GFRA1: variants seen among roughly 807,000 people sequenced by gnomAD.
GFRA1 encodes GDNF family receptor alpha 1.
A neutral mutation model predicts 51.6 loss-of-function variants in GFRA1; 16 were observed. The ratio of observed to expected loss-of-function variants is 0.31; its 90% confidence interval spans 0.21 to 0.47. The LOEUF is 0.47. GFRA1 is among the 20% of genes least tolerant of loss of function. The pLI, the probability that GFRA1 is intolerant of heterozygous loss-of-function variation, is 1.00. For synonymous variants in GFRA1, 270 were observed against 241.3 expected (o/e 1.12, Z -1.10); for missense variants, 530 against 594.3 (o/e 0.89, Z 1.13).
chr10:116,131,465 CCAGCATATTGATAATAAT>C (rs1958099340), intron 5 of GFRA1, among the ~76,000 whole-genome samples: 1 of 152,128 alleles, frequency 6.6e-6, no homozygotes, highest in Admixed American at 6.5e-5. Flanking sequence ...GAATATTATA[CCAGCATATTGATAATAAT>C]CAAAACTGGA....
intron 5 of GFRA1, among the ~76,000 whole-genome samples, chr10:116,142,136 A>G (rs1958598673): frequency 1.3e-5 from 2 of 152,120 alleles, no homozygotes; most frequent in African/African-American, 4.8e-5. Flanking sequence ...GTGCAGGATT[A>G]TTCATTGTGG....
intron 5 of GFRA1, among the ~76,000 whole-genome samples, chr10:116,153,304 A>G (rs1959130936): frequency 1.3e-5 from 2 of 152,206 alleles, no homozygotes; most frequent in Non-Finnish European, 2.9e-5. Context: ...CAGGGTTACC[A>G]TTTCACCATC....
At chr10:116,169,001 C>T (rs1960767290) in intron 5 of GFRA1, among the ~76,000 whole-genome samples, 1 of 152,196 alleles carries the variant, frequency 6.6e-6, no homozygotes, top group Non-Finnish European at 1.5e-5. Context: ...ATTAAGTATA[C>T]CTTGCCCCTG....
At chr10:116,079,586 G>A (rs867708792) in intron 9 of GFRA1, among the ~76,000 whole-genome samples, 26 of 152,076 alleles carry the variant, frequency 1.7e-4, no homozygotes, top group African/African-American at 5.8e-4. Flanking sequence ...GTGCTGAAAG[G>A]ACATTTTTGG....
At chr10:116,151,949 C>T (rs1173526974) in intron 5 of GFRA1, among the ~76,000 whole-genome samples, 1 of 152,104 alleles carries the variant, frequency 6.6e-6, no homozygotes, top group African/African-American at 2.4e-5. Context: ...GAAGAGCTCC[C>T]TGAGAGGTGA....
chr10:116,196,656 ATAGTACT>A lies in GFRA1; in HGVS notation c.433+14968_433+14974del, dbSNP rs1565643693. Among the ~76,000 whole-genome samples the A allele has an allele frequency of 2.1e-4, 14 of 66,524 alleles. 1 individual carries two copies. The highest frequency in any genetic ancestry group is 8.5e-4 in the African/African-American group (14 of 16,434). 43.6% of individuals were successfully genotyped at this position (66,524 alleles called of 152,430 possible). A position where few individuals can be genotyped will look rare whatever the true frequency, so the allele number is the denominator to read the frequency against. On this transcript the variant is annotated intron_variant, in intron 5 of 10. Coordinates refer to ENST00000355422, the MANE Select transcript of GFRA1 (RefSeq NM_005264.8). The stretch of plus-strand genomic sequence containing the variant: ...ATATAGTACTATATATAATATATAT[ATAGTACT>A]ATATATAATATATATAATATATAGT...
Position 116,058,041 on chromosome 10 carries a change from T to TGTGTGTGAGAGA in GFRA1, c.*6356_*6357insTCTCTCACACAC, listed in dbSNP as rs557175351. On this transcript the variant is annotated 3_prime_UTR_variant, in exon 11 of 11. Coordinates refer to ENST00000355422, the MANE Select transcript of GFRA1 (RefSeq NM_005264.8). Reference sequence around the variant, plus strand: ...GTGTGTGTGTGTGTGTGTGTGTGTGTGACAGAGAGAACCACGCTTTATTGG... The same window carrying TGTGTGTGAGAGA: ...GTGTGTGTGTGTGTGTGTGTGTGTGTGTGTGTGAGAGAGACAGAGAGAACCACGCTTTATTGG... 1 of 108,442 alleles carries TGTGTGTGAGAGA rather than the reference T, an allele frequency of 9.2e-6. No homozygotes were observed. The highest frequency in any genetic ancestry group is 3.8e-5 in the African/African-American group (1 of 26,586). The allele number at this position is 108,442 out of a possible 1,614,324, so 6.7% of individuals were successfully genotyped here.
At chr10:116,106,633 C>T (rs76691823) in intron 6 of GFRA1, among the ~76,000 whole-genome samples, 94 of 151,366 alleles carry the variant, frequency 6.2e-4, no homozygotes, top group African/African-American at 2.2e-3. Context: ...CACCTCCCTC[C>T]ACTTTCTCTT....
At chr10:116,214,749 T>C (rs1275411077) in intron 4 of GFRA1, among the ~76,000 whole-genome samples, 1 of 152,218 alleles carries the variant, frequency 6.6e-6, no homozygotes, top group East Asian at 1.9e-4. Flanking sequence ...CTCTGCGTGG[T>C]TTTGACAAGG....
intron 5 of GFRA1, among the ~76,000 whole-genome samples, chr10:116,183,430 T>G (rs2134283523): frequency 6.6e-6 from 1 of 152,274 alleles, no homozygotes. Flanking sequence ...ATGGGGAATC[T>G]CAGGCTCACA....
chr10:116,270,881 C>A lies in GFRA1; in HGVS notation c.275G>T (p.Gly92Val). Reference protein sequence around the residue: ...KSLYNCRCKRGMKKEKNCLRI... With the variant: ...KSLYNCRCKRVMKKEKNCLRI... Reference sequence around the variant, plus strand: ...CAGGCAGTTCTTCTCCTTCTTCATACCCCGCTTGCAGCGGCAGTTGTAGAG... The same window carrying A: ...CAGGCAGTTCTTCTCCTTCTTCATAACCCGCTTGCAGCGGCAGTTGTAGAG... The change falls in exon 3 of 11, where the codon GGT (glycine) becomes GTT (valine). Residue 92 changes from glycine to valine, a missense_variant. Transcript: ENST00000355422. 6.2e-7 allele frequency: 1 copy of A among 1,614,072 alleles called. No homozygotes were observed. Among genetic ancestry groups the A allele is most frequent in the Non-Finnish European group, 8.5e-7 (1 of 1,180,030 alleles).
At chr10:116,196,192 T>TAAA (rs5788141) in intron 5 of GFRA1, among the ~76,000 whole-genome samples, 5 of 143,920 alleles carry the variant, frequency 3.5e-5, no homozygotes, top group Non-Finnish European at 3.0e-5. Flanking sequence ...TTTGATGTCT[T>TAAA]AAAAAAAAAA....
chr10:116,104,553 C>T (rs946843831), intron 6 of GFRA1, among the ~76,000 whole-genome samples: 17 of 152,204 alleles, frequency 1.1e-4, no homozygotes, highest in East Asian at 1.9e-4. Flanking sequence ...TCAGTCCCTG[C>T]GTCCTGCCTT....
At position 116,061,387 on chromosome 10, in the gene GFRA1, A is replaced by T. The variant is rs1954810967; in HGVS notation, c.*3011T>A. The T allele has an allele frequency of 6.6e-6, 1 of 152,158 alleles. No individual in the cohort carries two copies. The allele number at this position is 152,158 out of a possible 1,614,324, so 9.4% of individuals were successfully genotyped here. ...TGAAAAAAATCAGGTATGGAAAAATAAATATGTAATTGGCATTCTCAATTC... is the reference window on the plus strand; with the variant it reads ...TGAAAAAAATCAGGTATGGAAAAATTAATATGTAATTGGCATTCTCAATTC... On this transcript the variant is annotated 3_prime_UTR_variant, in exon 11 of 11. Transcript: ENST00000355422.
chr10:116,136,997 A>G (rs1191044939), intron 5 of GFRA1, among the ~76,000 whole-genome samples: 1 of 152,220 alleles, frequency 6.6e-6, no homozygotes, highest in Non-Finnish European at 1.5e-5. Context: ...TGGTCCAGGA[A>G]TAAGTGTTTC....
chr10:116,202,564 C>T (rs1398153905), intron 5 of GFRA1, among the ~76,000 whole-genome samples: 1 of 152,126 alleles, frequency 6.6e-6, no homozygotes, highest in Non-Finnish European at 1.5e-5. Flanking sequence ...TTCACTGACC[C>T]ACAGGCTTAA....
chr10:116,076,498 G>A (rs964434540), intron 9 of GFRA1, among the ~76,000 whole-genome samples: 1 of 152,154 alleles, frequency 6.6e-6, no homozygotes, highest in Admixed American at 6.5e-5. Flanking sequence ...GGCGCTGCAG[G>A]TGACCTCTTC....
In GFRA1 at chr10:116,249,591, G is replaced by A. The variant is rs181122425; in HGVS notation, c.418+19912C>T. 3.3e-5 allele frequency among the ~76,000 whole-genome samples: 5 copies of A among 152,206 alleles called. No individual in the cohort carries two copies. In the East Asian group the frequency reaches 5.8e-4, roughly 18 times the overall value. On this transcript the variant is annotated intron_variant, in intron 4 of 10. Transcript: ENST00000355422. ...ACAGATGTACCTCGCTGGCAAGACC[G>A]TAGGCTCCCTCATGTCATGACCTGT... is the stretch of plus-strand genomic sequence containing the variant.
chr10:116,257,644 C>T (rs1351032040), intron 4 of GFRA1, among the ~76,000 whole-genome samples: 2 of 152,208 alleles, frequency 1.3e-5, no homozygotes, highest in African/African-American at 4.8e-5. Context: ...GCATCCAGAG[C>T]CCCTGTGTGT....
Sources: allele counts gnomAD v4.1 joint callset (sites outside exome capture counted in the v4.1 genomes callset), GRCh38; gene constraint gnomAD v4.1.1; transcripts MANE v1.5; gene names NCBI Gene and HGNC (gene_info 2026-07-23, HGNC 2026-07-21).